Variants in ESRRG observed in about 807,000 individuals in gnomAD.
The protein encoded by ESRRG is estrogen related receptor gamma.
ESRRG carries 13 observed loss-of-function variants against 44.0 expected under a neutral mutation model. The ratio of observed to expected loss-of-function variants is 0.30; its 90% CI spans 0.19 to 0.47. The LOEUF is 0.47. Ranked by LOEUF, ESRRG falls within the 20% of genes least tolerant of loss-of-function variation. The pLI is 1.00. For missense variants in ESRRG, 395 were observed against 580.6 expected (o/e 0.68, Z 3.29); for synonymous variants, 215 against 214.6 (o/e 1.00, Z -0.02).
At chr1:216,791,276 G>T (rs1415925601) in intron 2 of ESRRG, among the ~76,000 whole-genome samples, 1 of 151,920 alleles carries the variant, frequency 6.6e-6, no homozygotes, top group Admixed American at 6.6e-5. Flanking sequence ...ATTTAAAAGT[G>T]CGTGGCACCT....
At chr1:216,596,445 C>T (rs1312288740) in intron 3 of ESRRG, among the ~76,000 whole-genome samples, 4 of 152,128 alleles carry the variant, frequency 2.6e-5, no homozygotes, top group Non-Finnish European at 5.9e-5. Context: ...AGGGAGCCTC[C>T]CGTGGAATAA....
chr1:217,108,495 A>C (rs6656214), intron 1 of ESRRG, among the ~76,000 whole-genome samples: 1 of 151,954 alleles, frequency 6.6e-6, no homozygotes, highest in Non-Finnish European at 1.5e-5. Flanking sequence ...ATGTTGAATC[A>C]TAATCTCCAG....
chr1:216,940,444 G>T (rs1228715864), intron 1 of ESRRG, among the ~76,000 whole-genome samples: 1 of 152,182 alleles, frequency 6.6e-6, no homozygotes, highest in Non-Finnish European at 1.5e-5. Context: ...GATATCCGGG[G>T]AAATTCTGTG....
chr1:216,610,209 CTTT>C (rs77574879), intron 3 of ESRRG, among the ~76,000 whole-genome samples: 12 of 140,228 alleles, frequency 8.6e-5, no homozygotes, highest in Admixed American at 7.2e-5. Flanking sequence ...AAATTCAGTG[CTTT>C]TTTTTTTTTT....
intron 2 of ESRRG, among the ~76,000 whole-genome samples, chr1:216,881,692 T>C (rs1192155072): frequency 6.6e-6 from 1 of 152,102 alleles, no homozygotes; most frequent in Non-Finnish European, 1.5e-5. Context: ...AGGAAAAGAA[T>C]ACCTGACCCT....
At chr1:216,770,697 C>T (rs2093344995) in intron 2 of ESRRG, among the ~76,000 whole-genome samples, 1 of 151,734 alleles carries the variant, frequency 6.6e-6, no homozygotes, top group South Asian at 2.1e-4. Context: ...TTTAAAAAAC[C>T]ACATTTTAAG....
At chr1:216,844,850 T>C (rs2095715674) in intron 2 of ESRRG, among the ~76,000 whole-genome samples, 1 of 152,132 alleles carries the variant, frequency 6.6e-6, no homozygotes, top group Non-Finnish European at 1.5e-5. Flanking sequence ...ACAATGACTG[T>C]ACAAGTAGGA....
intron 2 of ESRRG, among the ~76,000 whole-genome samples, chr1:216,939,364 A>AACAAAAAAC (rs1553720878): frequency 7.5e-6 from 1 of 133,730 alleles, no homozygotes; most frequent in African/African-American, 3.1e-5. Context: ...AAAAAAAAAA[A>AACAAAAAAC]AAAAAACACT....
chr1:217,081,028 A>G (rs1238910423), intron 1 of ESRRG, among the ~76,000 whole-genome samples: 1 of 151,858 alleles, frequency 6.6e-6, no homozygotes. Context: ...GTTGATCATT[A>G]TCTTATAAAT....
At chr1:216,822,438 A>T (rs952302091) in intron 2 of ESRRG, among the ~76,000 whole-genome samples, 1 of 152,250 alleles carries the variant, frequency 6.6e-6, no homozygotes, top group Non-Finnish European at 1.5e-5. Flanking sequence ...TTGAAAACAA[A>T]TAATGGCATC....
chr1:216,898,950 A>G (rs540777748), intron 2 of ESRRG, among the ~76,000 whole-genome samples: 168 of 152,146 alleles, frequency 1.1e-3, no homozygotes, highest in Non-Finnish European at 1.7e-3. Flanking sequence ...TCTTCTGCTC[A>G]ATACACTCCC....
chr1:216,990,656 T>C (rs1400822834), intron 1 of ESRRG, among the ~76,000 whole-genome samples: 1 of 152,214 alleles, frequency 6.6e-6, no homozygotes, highest in Non-Finnish European at 1.5e-5. Context: ...CTCCTTCCAC[T>C]TAACTAATAG....
At chr1:216,520,495 A>G (rs748421791) in intron 5 of ESRRG, among the ~76,000 whole-genome samples, 30 of 152,326 alleles carry the variant, frequency 2.0e-4, no homozygotes, top group Non-Finnish European at 7.4e-5. Context: ...AAGAGGAAGC[A>G]GTACAATTAA....
At chr1:216,690,695 C>A (rs183430394) in intron 1 of ESRRG, among the ~76,000 whole-genome samples, 5 of 152,224 alleles carry the variant, frequency 3.3e-5, no homozygotes, top group Non-Finnish European at 7.4e-5. Flanking sequence ...ATGCCCTGTA[C>A]CAGATCGTAA....
chr1:217,062,829 T>C (rs1264895333), intron 1 of ESRRG, among the ~76,000 whole-genome samples: 1 of 152,262 alleles, frequency 6.6e-6, no homozygotes, highest in East Asian at 1.9e-4. Context: ...AAACATCACC[T>C]GGTTTGGGTT....
intron 1 of ESRRG, among the ~76,000 whole-genome samples, chr1:216,682,829 G>A (rs1052873840): frequency 6.6e-6 from 1 of 151,596 alleles, no homozygotes; most frequent in African/African-American, 2.4e-5. Flanking sequence ...CAGCTCCCAT[G>A]GCAGCCTGAG....
intron 2 of ESRRG, among the ~76,000 whole-genome samples, chr1:216,898,896 G>A (rs907808593): frequency 6.6e-6 from 1 of 152,234 alleles, no homozygotes; most frequent in Admixed American, 6.5e-5. Context: ...GTCCCAGGTG[G>A]AAAGGAAATC....
At chr1:216,842,139 T>A (rs1376692203) in intron 2 of ESRRG, among the ~76,000 whole-genome samples, 1 of 152,136 alleles carries the variant, frequency 6.6e-6, no homozygotes, top group Non-Finnish European at 1.5e-5. Context: ...CAACCAAAGA[T>A]CATTTTTGAT....
At chr1:216,523,984 T>C (rs2046880356) in intron 5 of ESRRG, among the ~76,000 whole-genome samples, 1 of 152,060 alleles carries the variant, frequency 6.6e-6, no homozygotes, top group African/African-American at 2.4e-5. Context: ...AGCTAGATTC[T>C]TTTCTTTCCC....
Sources: gnomAD v4.1 joint callset for allele counts (sites outside exome capture counted in the v4.1 genomes callset) on GRCh38, gnomAD v4.1.1 for gene constraint, MANE v1.5 for transcripts, NCBI Gene and HGNC (gene_info 2026-07-23, HGNC 2026-07-21) for gene names.